CAB39: variants seen among roughly 807,000 people sequenced by gnomAD.
CAB39 encodes calcium binding protein 39.
Under a neutral mutation model 40.0 loss-of-function variants are expected in CAB39, and 8 were observed. The observed-to-expected ratio is 0.20, with a 90% CI of 0.12 to 0.36. CAB39 has a LOEUF of 0.36. Ranked by LOEUF, CAB39 falls within the 10% of genes least tolerant of loss-of-function variation. The probability of loss-of-function intolerance (pLI) is 1.00; values close to 1 mark genes in which losing one functional copy is unlikely to be tolerated. For missense variants in CAB39, 270 were observed against 401.1 expected (o/e 0.67, Z 2.79); for synonymous variants, 156 against 141.6 (o/e 1.10, Z -0.72).
chr2:230,765,861 C>T (rs760835064), intron 2 of CAB39, among the ~76,000 whole-genome samples: 1 of 152,076 alleles, frequency 6.6e-6, no homozygotes, highest in Non-Finnish European at 1.5e-5. Context: ...AACTCCTGCC[C>T]TAAACCAGCA....
At chr2:230,748,831 A>AATATAT (rs71052546) in intron 1 of CAB39, among the ~76,000 whole-genome samples, 509 of 28,306 alleles carry the variant, frequency 0.018, 16 homozygotes, top group Admixed American at 0.026. Flanking sequence ...AAAAAAAAAA[A>AATATAT]ATATATATAT....
intron 2 of CAB39, among the ~76,000 whole-genome samples, chr2:230,786,650 G>C (rs1040848124): frequency 6.6e-6 from 1 of 152,148 alleles, no homozygotes; most frequent in African/African-American, 2.4e-5. Context: ...ATTGTTAAGA[G>C]CTTTAAAACT....
intron 1 of CAB39, chr2:230,713,658 C>T (rs964164759): frequency 1.3e-5 from 2 of 152,332 alleles, no homozygotes; most frequent in African/African-American, 4.8e-5. Context: ...AGGCAGATAC[C>T]AGCTTTGTGA....
intron 5 of CAB39, among the ~76,000 whole-genome samples, chr2:230,804,353 G>A (rs931861851): frequency 2.0e-5 from 3 of 152,168 alleles, no homozygotes; most frequent in African/African-American, 7.2e-5. Context: ...AGGACTTCAT[G>A]ACTAAAATAC....
At chr2:230,755,046 C>CAT (rs936373844) in intron 1 of CAB39, among the ~76,000 whole-genome samples, 2 of 152,072 alleles carry the variant, frequency 1.3e-5, no homozygotes, top group Non-Finnish European at 2.9e-5. Context: ...AGTAGTCCAT[C>CAT]ATATATATAC....
chr2:230,762,386 A>G (rs1293859195), intron 2 of CAB39, among the ~76,000 whole-genome samples: 1 of 152,210 alleles, frequency 6.6e-6, no homozygotes, highest in Non-Finnish European at 1.5e-5. Flanking sequence ...AATAGCACAT[A>G]ACTTGACCTC....
chr2:230,799,810 G>A (rs1201243283), intron 5 of CAB39, among the ~76,000 whole-genome samples: 1 of 152,066 alleles, frequency 6.6e-6, no homozygotes, highest in East Asian at 1.9e-4. Flanking sequence ...CACCAACATG[G>A]AGAAACCCCG....
chr2:230,797,682 TGA>T (rs1696012532), intron 4 of CAB39, among the ~76,000 whole-genome samples: 1 of 152,004 alleles, frequency 6.6e-6, no homozygotes, highest in Non-Finnish European at 1.5e-5. Context: ...GTGGGAGCCA[TGA>T]GATTGTATGG....
At chr2:230,774,121 T>C (rs1695542567) in intron 2 of CAB39, among the ~76,000 whole-genome samples, 1 of 152,228 alleles carries the variant, frequency 6.6e-6, no homozygotes, top group Admixed American at 6.5e-5. Context: ...CTTTGACTCA[T>C]TATATTAGAG....
At chr2:230,718,601 C>A (rs945905371) in intron 1 of CAB39, among the ~76,000 whole-genome samples, 1 of 152,122 alleles carries the variant, frequency 6.6e-6, no homozygotes, top group African/African-American at 2.4e-5. Context: ...TAATAGTAGA[C>A]CATATCTGAG....
intron 2 of CAB39, among the ~76,000 whole-genome samples, chr2:230,789,425 C>T (rs1348088473): frequency 6.6e-6 from 1 of 152,096 alleles, no homozygotes; most frequent in African/African-American, 2.4e-5. Context: ...CGGTTTTGGT[C>T]CTTTCCAGGA....
At position 230,713,026 on chromosome 2, in the gene CAB39, G is replaced by T. The variant is rs1575891148; in HGVS notation, c.-248G>T. 6.6e-6 allele frequency: 1 copy of T among 150,718 alleles called. No individual in the cohort carries two copies. Among genetic ancestry groups the T allele is most frequent in the East Asian group, 1.9e-4 (1 of 5,180 alleles). 9.3% of individuals were successfully genotyped at this position (150,718 alleles called of 1,614,324 possible). Reference sequence around the variant, plus strand: ...AGCGCAGCAGCGCGGCGGCAGCCGCGGGAGCCCCTGGGCAGCCGTCCGCCC... The same window carrying T: ...AGCGCAGCAGCGCGGCGGCAGCCGCTGGAGCCCCTGGGCAGCCGTCCGCCC... On this transcript the variant is annotated 5_prime_UTR_variant, in exon 1 of 9. Coordinates refer to ENST00000258418, the MANE Select transcript of CAB39 (RefSeq NM_016289.4).
intron 2 of CAB39, among the ~76,000 whole-genome samples, chr2:230,782,813 C>CTTTCTTTCTTTTTTTTTT (rs1286339069): frequency 1.2e-5 from 1 of 81,760 alleles, no homozygotes; most frequent in African/African-American, 6.3e-5. Context: ...TTCTTTCTTT[C>CTTTCTTTCTTTTTTTTTT]TTTTTTTTTT....
intron 4 of CAB39, among the ~76,000 whole-genome samples, chr2:230,793,993 G>T (rs1695935165): frequency 1.3e-5 from 2 of 152,284 alleles, no homozygotes; most frequent in South Asian, 4.1e-4. Flanking sequence ...TCATTGACTG[G>T]CAAGGTAACC....
At chr2:230,802,715 T>C (rs1459945832) in intron 5 of CAB39, among the ~76,000 whole-genome samples, 2 of 152,154 alleles carry the variant, frequency 1.3e-5, no homozygotes, top group Admixed American at 6.5e-5. Flanking sequence ...CAGGAAGAAG[T>C]TGAATCGCTG....
intron 1 of CAB39, among the ~76,000 whole-genome samples, chr2:230,726,831 G>T (rs1694581096): frequency 6.6e-6 from 1 of 151,580 alleles, no homozygotes. Flanking sequence ...GAAAGGGAGG[G>T]GCGGGGAATG....
intron 2 of CAB39, among the ~76,000 whole-genome samples, chr2:230,790,101 G>A (rs181023023): frequency 2.6e-5 from 4 of 152,264 alleles, no homozygotes. Flanking sequence ...GCACACACCT[G>A]TGGGAAACCC....
chr2:230,763,018 GTGT>G (rs1695322317), intron 2 of CAB39, among the ~76,000 whole-genome samples: 1 of 152,116 alleles, frequency 6.6e-6, no homozygotes, highest in Non-Finnish European at 1.5e-5. Flanking sequence ...AAGTATAGGT[GTGT>G]TATCTATTGA....
rs181278557 is a variant in CAB39, at chr2:230,717,614, C to T, written c.-44+4384C>T. Among the ~76,000 whole-genome samples the T allele has an allele frequency of 1.9e-3, 293 of 152,288 alleles. No individual in the cohort carries two copies. In the Middle Eastern group the frequency reaches 0.02, roughly 11 times the overall value. On this transcript the variant is annotated intron_variant, in intron 1 of 8. Transcript: ENST00000258418. ...TGTGAATAAAATGATCAGTGTTCTGCCTCTGTTTCTCAGGCCCTCCGAGGA... is the reference window on the plus strand; with the variant it reads ...TGTGAATAAAATGATCAGTGTTCTGTCTCTGTTTCTCAGGCCCTCCGAGGA...
Sources: gnomAD v4.1 joint callset for allele counts (sites outside exome capture counted in the v4.1 genomes callset) on GRCh38, gnomAD v4.1.1 for gene constraint, MANE v1.5 for transcripts, NCBI Gene and HGNC (gene_info 2026-07-23, HGNC 2026-07-21) for gene names.